Variants in ATF7 observed in about 807,000 individuals in gnomAD.
ATF7 encodes activating transcription factor 7.
A neutral mutation model predicts 50.4 loss-of-function variants in ATF7; 10 were observed. The observed-to-expected ratio is 0.20, with a 90% CI of 0.12 to 0.34. ATF7 has a LOEUF of 0.34. ATF7 is among the 10% of genes least tolerant of loss of function. The probability of loss-of-function intolerance (pLI) is 1.00; values close to 1 mark genes in which losing one functional copy is unlikely to be tolerated. For synonymous variants in ATF7, 201 were observed against 226.4 expected, an observed-to-expected ratio of 0.89 and a Z score of 1.01; for missense variants, 465 against 613.9, an observed-to-expected ratio of 0.76 and a Z score of 2.56.
At chr12:53,572,573 G>A (rs1301928173) in intron 2 of ATF7, among the ~76,000 whole-genome samples, 4 of 152,138 alleles carry the variant, frequency 2.6e-5, no homozygotes, top group Non-Finnish European at 4.4e-5. Flanking sequence ...GGGGGAAAGG[G>A]AAAAGTACAG....
At chr12:53,618,839 C>G (rs995838190) in intron 1 of ATF7, among the ~76,000 whole-genome samples, 4 of 151,874 alleles carry the variant, frequency 2.6e-5, no homozygotes, top group Non-Finnish European at 5.9e-5. Context: ...ATTGCCTGAG[C>G]TCAGGCGTTC....
At chr12:53,533,958 G>C (rs907381715) in intron 6 of ATF7, among the ~76,000 whole-genome samples, 1 of 152,180 alleles carries the variant, frequency 6.6e-6, no homozygotes, top group Admixed American at 6.5e-5. Flanking sequence ...TTAGATTAAA[G>C]AAGTATTAAA....
In ATF7 at chr12:53,528,783, G is replaced by C. The variant is rs190265088; in HGVS notation, c.927+2961C>G. Among the ~76,000 whole-genome samples the C allele has an allele frequency of 3.3e-5, 5 of 151,628 alleles. No homozygotes were observed. The East Asian group carries it at 5.8e-4, about 18-fold the overall frequency. On this transcript the variant is annotated intron_variant, in intron 9 of 11. Coordinates refer to ENST00000420353, the MANE Select transcript of ATF7 (RefSeq NM_006856.3). The stretch of plus-strand genomic sequence containing the variant: ...ATCTTAAAAAAAAAAGAAAAGAAAA[G>C]AAAACAAAAGAAAAGAAAAAATTAG...
At chr12:53,541,141 T>C (rs1006448398) in intron 4 of ATF7, among the ~76,000 whole-genome samples, 1 of 152,206 alleles carries the variant, frequency 6.6e-6, no homozygotes, top group African/African-American at 2.4e-5. Flanking sequence ...TTCTTACCAC[T>C]TAAACTGGAT....
chr12:53,535,501 A>G (rs1214025363), intron 5 of ATF7, among the ~76,000 whole-genome samples: 1 of 152,048 alleles, frequency 6.6e-6, no homozygotes, highest in Non-Finnish European at 1.5e-5. Flanking sequence ...AGATTGAAAG[A>G]AGGAGGAAGC....
chr12:53,534,577 T>C lies in ATF7; in HGVS notation c.485A>G (p.Tyr162Cys), dbSNP rs367730193. Residue 162 changes from tyrosine to cysteine, a missense_variant, in exon 6 of 12, where the codon TAT (tyrosine) becomes TGT (cysteine). Transcript: ENST00000420353. ...RPGSLPLHLG[Y>C]DPLHPTLPSP... ...GGGAAGGGTTGGATGAAGTGGATCA[T>C]AGCCCAAGTGGAGAGGCAGGGAGCC... 5.0e-6 allele frequency: 8 copies of C among 1,613,764 alleles called. No homozygotes were observed. The highest frequency in any genetic ancestry group is 4.5e-5 in the East Asian group (2 of 44,868).
intron 2 of ATF7, among the ~76,000 whole-genome samples, chr12:53,578,367 C>CAAAAA (rs56914905): frequency 9.3e-6 from 1 of 107,774 alleles, no homozygotes; most frequent in African/African-American, 3.7e-5. Flanking sequence ...GATCTTCTCT[C>CAAAAA]AAAAAAAAAA....
At chr12:53,520,780 C>G (rs1223286580) in intron 11 of ATF7, among the ~76,000 whole-genome samples, 4 of 152,054 alleles carry the variant, frequency 2.6e-5, no homozygotes, top group African/African-American at 9.7e-5. Flanking sequence ...TTGCTTAAGC[C>G]AGAAACTTTG....
At chr12:53,566,482 G>A (rs1941449894) in intron 2 of ATF7, among the ~76,000 whole-genome samples, 1 of 152,196 alleles carries the variant, frequency 6.6e-6, no homozygotes, top group South Asian at 2.1e-4. Flanking sequence ...AATCCACCGT[G>A]GTGGGGGTGG....
At chr12:53,555,278 T>C (rs1222036247) in intron 2 of ATF7, among the ~76,000 whole-genome samples, 1 of 150,712 alleles carries the variant, frequency 6.6e-6, no homozygotes, top group Admixed American at 6.6e-5. Flanking sequence ...TGAGCCGAGA[T>C]TGCGCCATTG....
downstream of ATF7, among the ~76,000 whole-genome samples, chr12:53,509,165 C>T (rs1028923475): frequency 1.3e-5 from 2 of 152,130 alleles, no homozygotes; most frequent in African/African-American, 4.8e-5. Flanking sequence ...GCTTCAGTTT[C>T]CTCACCTGAA....
At chr12:53,529,744 TG>T (rs1296115140) in intron 9 of ATF7, among the ~76,000 whole-genome samples, 11 of 69,758 alleles carry the variant, frequency 1.6e-4, no homozygotes, top group African/African-American at 2.0e-4. Flanking sequence ...CATATATATA[TG>T]TTTTTTTTTT....
Position 53,512,199 on chromosome 12 carries a change from A to C in ATF7, c.*4938T>G, listed in dbSNP as rs1341916478. Reference sequence around the variant, plus strand: ...AAAGGAAGACAGTATGGTTAGGGAGAATAGAGCGAAGCCCCTGCCTCAGCC... The same window carrying C: ...AAAGGAAGACAGTATGGTTAGGGAGCATAGAGCGAAGCCCCTGCCTCAGCC... On this transcript the variant is annotated 3_prime_UTR_variant, in exon 12 of 12. Coordinates refer to ENST00000420353, the MANE Select transcript of ATF7 (RefSeq NM_006856.3). 6.6e-6 allele frequency: 1 copy of C among 152,252 alleles called. No individual in the cohort carries two copies. The allele number at this position is 152,252 out of a possible 1,614,324, so 9.4% of individuals were successfully genotyped here.
intron 4 of ATF7, among the ~76,000 whole-genome samples, chr12:53,538,959 T>G (rs1037833074): frequency 6.6e-6 from 1 of 152,132 alleles, no homozygotes; most frequent in Non-Finnish European, 1.5e-5. Context: ...CAGAGACTAG[T>G]GGGAAGGAGA....
At chr12:53,574,013 C>A (rs1352572710) in intron 2 of ATF7, among the ~76,000 whole-genome samples, 1 of 152,154 alleles carries the variant, frequency 6.6e-6, no homozygotes, top group African/African-American at 2.4e-5. Flanking sequence ...ACGTATTTAC[C>A]AATTCCTTTT....
chr12:53,558,266 G>A (rs537266525), intron 2 of ATF7, among the ~76,000 whole-genome samples: 1 of 152,340 alleles, frequency 6.6e-6, no homozygotes, highest in African/African-American at 2.4e-5. Flanking sequence ...CCTCTAGAAG[G>A]TAGAGGCCTG....
chr12:53,531,626 G>T, intron 9 of ATF7, 118 bp downstream of exon 9: 1 of 1,148,114 alleles, frequency 8.7e-7, no homozygotes, highest in Non-Finnish European at 1.2e-6. Flanking sequence ...ACCAAAGTAA[G>T]CAGGAAGAAA....
At chr12:53,616,247 G>C (rs1407984517) in intron 1 of ATF7, among the ~76,000 whole-genome samples, 1 of 152,086 alleles carries the variant, frequency 6.6e-6, no homozygotes, top group Non-Finnish European at 1.5e-5. Context: ...TTTTGAGCCA[G>C]GGTCTCACTC....
intron 3 of ATF7, among the ~76,000 whole-genome samples, chr12:53,550,106 C>T (rs932538649): frequency 6.6e-6 from 1 of 151,890 alleles, no homozygotes; most frequent in South Asian, 2.1e-4. Context: ...GTGGATCATT[C>T]GAGGCCAGGA....
Sources: allele counts gnomAD v4.1 joint callset (sites outside exome capture counted in the v4.1 genomes callset), GRCh38; gene constraint gnomAD v4.1.1; transcripts MANE v1.5; gene names NCBI Gene and HGNC (gene_info 2026-07-23, HGNC 2026-07-21).